The following PRRC1 variants were observed in gnomAD, a reference collection of about 807,000 sequenced individuals.
The protein encoded by PRRC1 is protein PRRC1.
A neutral mutation model predicts 40.7 loss-of-function variants in PRRC1; 39 were observed. That is an observed-to-expected ratio of 0.96 (90% CI 0.74 to 1.25). PRRC1 has a LOEUF of 1.25. PRRC1 is among the 50% of genes most tolerant of loss of function. The pLI is 0.00. For synonymous variants in PRRC1, 175 were observed against 193.3 expected, an observed-to-expected ratio of 0.91 and a Z score of 0.79; for missense variants, 573 against 548.3, an observed-to-expected ratio of 1.05 and a Z score of -0.45.
intron 7 of PRRC1, among the ~76,000 whole-genome samples, chr5:127,541,258 C>T (rs1580944753): frequency 6.6e-6 from 1 of 152,326 alleles, no homozygotes; most frequent in East Asian, 1.9e-4. Context: ...CTTTGATGTG[C>T]TGCTGGATTC....
chr5:127,528,252 GA>G (rs1399804546), intron 4 of PRRC1, among the ~76,000 whole-genome samples: 2 of 152,038 alleles, frequency 1.3e-5, no homozygotes, highest in Non-Finnish European at 2.9e-5. Context: ...CTTTTTGACA[GA>G]AAAGTTCAAT....
At chr5:127,549,222 A>T (rs1009033441) in intron 8 of PRRC1, 2 of 152,082 alleles carry the variant, frequency 1.3e-5, no homozygotes, top group African/African-American at 4.8e-5. Context: ...TTCAGAGATG[A>T]TTTGCTGTAT....
chr5:127,532,463 A>G (rs1418447854), intron 5 of PRRC1, among the ~76,000 whole-genome samples: 2 of 152,202 alleles, frequency 1.3e-5, no homozygotes, highest in South Asian at 2.1e-4. Flanking sequence ...ACAATTTCGT[A>G]TGTGTCAAGA....
In PRRC1 at chr5:127,553,774, C is replaced by T; in HGVS notation, c.*1858C>T. The T allele has an allele frequency of 1.3e-6, 2 of 1,534,344 alleles. No homozygotes were observed. Among genetic ancestry groups the T allele is most frequent in the Non-Finnish European group, 1.7e-6 (2 of 1,145,912 alleles). On this transcript the variant is annotated 3_prime_UTR_variant, in exon 9 of 9. Transcript: ENST00000296666. ...GTTTTGAGAATTGTTCTCATAGAAT[C>T]ACAAATACTGACATTTCATTAGATG...
chr5:127,554,674 T>C lies in PRRC1; in HGVS notation c.*2758T>C, dbSNP rs1463522897. The C allele has an allele frequency of 6.6e-6, 1 of 152,632 alleles. No individual in the cohort carries two copies. Among genetic ancestry groups the C allele is most frequent in the Non-Finnish European group, 1.5e-5 (1 of 68,034 alleles). 9.5% of individuals were successfully genotyped at this position (152,632 alleles called of 1,614,324 possible). On this transcript the variant is annotated 3_prime_UTR_variant, in exon 9 of 9. Coordinates refer to ENST00000296666, the MANE Select transcript of PRRC1 (RefSeq NM_130809.5). ...CTGTTATTACTTTCCTATTCTTTAT[T>C]CCTCTTTCTTCTGAAGATTAATGAA...
chr5:127,547,335 A>G (rs1407286197), intron 7 of PRRC1, among the ~76,000 whole-genome samples: 1 of 152,132 alleles, frequency 6.6e-6, no homozygotes, highest in East Asian at 1.9e-4. Context: ...AGAAGGATTT[A>G]TTATTAATGA....
chr5:127,533,610 C>G lies in PRRC1; in HGVS notation c.758-13C>G, dbSNP rs770673857. ...TTTAATTTGAAAGTTAAATTTTCCT[C>G]TGGTCTTTTTAGAATCTGGAGGTGA... On this transcript the variant is annotated splice_polypyrimidine_tract_variant and intron_variant, in intron 5 of 8. Coordinates refer to ENST00000296666, the MANE Select transcript of PRRC1 (RefSeq NM_130809.5). The G allele has an allele frequency of 3.7e-5, 60 of 1,601,570 alleles. No individual in the cohort carries two copies. Among genetic ancestry groups the G allele is most frequent in the Non-Finnish European group, 4.8e-5 (57 of 1,175,410 alleles).
At chr5:127,532,119 T>TG (rs1366220061) in intron 5 of PRRC1, among the ~76,000 whole-genome samples, 3 of 151,218 alleles carry the variant, frequency 2.0e-5, no homozygotes, top group South Asian at 2.1e-4. Flanking sequence ...TTTTTGTTGT[T>TG]TTTTTTTTGA....
At chr5:127,518,313 G>A (rs1055377956) in intron 1 of PRRC1, among the ~76,000 whole-genome samples, 7 of 152,248 alleles carry the variant, frequency 4.6e-5, no homozygotes, top group Admixed American at 2.6e-4. Flanking sequence ...TTTTCCCTGA[G>A]GTTACCCCAT....
At chr5:127,540,048 A>G (rs540430244) in intron 7 of PRRC1, among the ~76,000 whole-genome samples, 1 of 152,252 alleles carries the variant, frequency 6.6e-6, no homozygotes, top group Admixed American at 6.5e-5. Context: ...TGGGTGGAGA[A>G]AAAGTTTGAA....
At chr5:127,537,796 C>T (rs1346297771) in intron 6 of PRRC1, among the ~76,000 whole-genome samples, 2 of 151,830 alleles carry the variant, frequency 1.3e-5, no homozygotes, top group Non-Finnish European at 2.9e-5. Flanking sequence ...TAACTGCTTC[C>T]TGGGAGGAGT....
intron 7 of PRRC1, among the ~76,000 whole-genome samples, chr5:127,547,150 A>G (rs1215499462): frequency 6.6e-6 from 1 of 151,978 alleles, no homozygotes; most frequent in Non-Finnish European, 1.5e-5. Context: ...TGGCTGTTTC[A>G]TGATTTGGGT....
intron 1 of PRRC1, among the ~76,000 whole-genome samples, chr5:127,519,131 T>C (rs1767392544): frequency 1.3e-5 from 2 of 152,234 alleles, no homozygotes; most frequent in Non-Finnish European, 2.9e-5. Context: ...ATAGGACTTC[T>C]ACTAGTCATT....
In PRRC1 at chr5:127,517,681, G is replaced by C. The variant is rs868857386; in HGVS notation, c.-116G>C. The C allele has an allele frequency of 1.3e-5, 2 of 152,116 alleles. No individual in the cohort carries two copies. Among genetic ancestry groups the C allele is most frequent in the South Asian group, 4.1e-4 (2 of 4,824 alleles). The allele number at this position is 152,116 out of a possible 1,614,324, so 9.4% of individuals were successfully genotyped here. On this transcript the variant is annotated 5_prime_UTR_variant, in exon 1 of 9. Coordinates refer to ENST00000296666, the MANE Select transcript of PRRC1 (RefSeq NM_130809.5). Reference sequence around the variant, plus strand: ...CACGCCGAGGTAACTTCCAGGGTGCGCCTTCGTTGTCTTCTCCAAGCTGTA... The same window carrying C: ...CACGCCGAGGTAACTTCCAGGGTGCCCCTTCGTTGTCTTCTCCAAGCTGTA...
chr5:127,535,269 T>C (rs1767868751), intron 6 of PRRC1, among the ~76,000 whole-genome samples: 2 of 152,204 alleles, frequency 1.3e-5, no homozygotes, highest in Admixed American at 1.3e-4. Flanking sequence ...GCAGCTTATT[T>C]AACACACTCG....
chr5:127,547,818 G>C lies in PRRC1; in HGVS notation c.1026-1G>C. ...ATTTGAAACTCGTAATTCTGTTGCAGATGGTTTGACATTGGTTGTTTGGTG... is the reference window on the plus strand; with the variant it reads ...ATTTGAAACTCGTAATTCTGTTGCACATGGTTTGACATTGGTTGTTTGGTG... On this transcript the variant is annotated splice_acceptor_variant, in intron 7 of 8. Coordinates refer to ENST00000296666, the MANE Select transcript of PRRC1 (RefSeq NM_130809.5). LOFTEE classifies it high-confidence loss of function. 1 of 1,607,072 alleles carries C rather than the reference G, an allele frequency of 6.2e-7. No homozygotes were observed. The highest frequency in any genetic ancestry group is 1.3e-5 in the African/African-American group (1 of 74,858).
At chr5:127,523,052 G>A (rs962554902) in intron 1 of PRRC1, among the ~76,000 whole-genome samples, 2 of 152,020 alleles carry the variant, frequency 1.3e-5, no homozygotes, top group Non-Finnish European at 2.9e-5. Flanking sequence ...AGCCTCAAAT[G>A]CTTCCCGTCT....
chr5:127,523,686 C>T, intron 2 of PRRC1, 104 bp downstream of exon 2: 1 of 543,118 alleles, frequency 1.8e-6, no homozygotes, highest in Non-Finnish European at 3.1e-6. Context: ...TAAAACTTCT[C>T]TATTATTTTT....
At chr5:127,526,595 T>C (rs748288134) in intron 3 of PRRC1, 23 bp from the exon 4 acceptor site, 30 of 1,584,198 alleles carry the variant, frequency 1.9e-5, no homozygotes, top group Non-Finnish European at 2.6e-5. Flanking sequence ...ATTATACATA[T>C]GAAAATTTTT....
Sources: allele counts gnomAD v4.1 joint callset (sites outside exome capture counted in the v4.1 genomes callset), GRCh38; gene constraint gnomAD v4.1.1; transcripts MANE v1.5; gene names NCBI Gene and HGNC (gene_info 2026-07-23, HGNC 2026-07-21).